The following DROSHA variants were observed in gnomAD, a reference collection of about 807,000 sequenced individuals.
DROSHA encodes drosha ribonuclease III.
In DROSHA, 56 loss-of-function variants were observed where a neutral mutation model predicts 181.9. That is an observed-to-expected ratio of 0.31 (90% confidence interval 0.25 to 0.38). The LOEUF (loss-of-function observed/expected upper bound fraction) is 0.38, where lower values mean the gene tolerates loss of function less well. DROSHA is among the 10% of genes least tolerant of loss of function. The pLI, the probability that DROSHA is intolerant of heterozygous loss-of-function variation, is 1.00. For missense variants in DROSHA, 1,218 were observed against 1,743.5 expected, an observed-to-expected ratio of 0.70 and a Z score of 5.37; for synonymous variants, 524 against 591.2, an observed-to-expected ratio of 0.89 and a Z score of 1.65.
At chr5:31,477,293 TAA>T (rs1437471663) in intron 16 of DROSHA, among the ~76,000 whole-genome samples, 1 of 152,194 alleles carries the variant, frequency 6.6e-6, no homozygotes, top group East Asian at 1.9e-4. Context: ...TGGCTGCTTA[TAA>T]GAGTATTTCT....
At position 31,526,892 on chromosome 5, in the gene DROSHA, G is replaced by A. The variant is rs200373457; in HGVS notation, c.41C>T (p.Pro14Leu). 1.8e-5 allele frequency: 29 copies of A among 1,612,678 alleles called. No homozygotes were observed. The highest frequency in any genetic ancestry group is 8.8e-5 in the South Asian group (8 of 91,022). ...TCGTCCTCGGGGACACCCTCGTCCC[G>A]GGTGGAACGACATTCTGTGACTTCA... is the stretch of plus-strand genomic sequence containing the variant. Reference protein sequence around the residue: ...GNTCHRMSFHPGRGCPRGRGG... With the variant: ...GNTCHRMSFHLGRGCPRGRGG... The change falls in exon 5 of 36, where the codon CCG becomes CTG. Residue 14 changes from proline (P) to leucine (L), a missense_variant. Pro to Leu is a moderately conservative substitution (Grantham distance 98). This residue lies in a region of DROSHA where 536 missense variants were observed against 535.4 expected (regional missense o/e 1.00). Coordinates refer to ENST00000344624, the MANE Select transcript of DROSHA (RefSeq NM_001382508.1).
chr5:31,426,217 G>A (rs1035731702), intron 27 of DROSHA, among the ~76,000 whole-genome samples: 4 of 151,930 alleles, frequency 2.6e-5, no homozygotes, highest in African/African-American at 9.7e-5. Context: ...CCGAGATAGG[G>A]TTCTGCTGCA....
chr5:31,465,076 C>T (rs573929718), intron 19 of DROSHA, among the ~76,000 whole-genome samples: 32 of 151,974 alleles, frequency 2.1e-4, no homozygotes, highest in South Asian at 2.1e-4. Flanking sequence ...AGTGCACCAA[C>T]GGAGGAACAC....
intron 8 of DROSHA, among the ~76,000 whole-genome samples, chr5:31,513,495 C>T (rs1046890869): frequency 3.9e-5 from 6 of 152,198 alleles, no homozygotes; most frequent in African/African-American, 1.4e-4. Flanking sequence ...CATGGAATAA[C>T]ATTCAGGCAC....
intron 20 of DROSHA, among the ~76,000 whole-genome samples, chr5:31,454,401 G>A (rs894308032): frequency 2.6e-5 from 4 of 152,198 alleles, no homozygotes; most frequent in African/African-American, 9.7e-5. Context: ...CAAAAGCAGA[G>A]GGGGCAGATT....
At chr5:31,434,213 G>A (rs182413602) in intron 25 of DROSHA, among the ~76,000 whole-genome samples, 169 of 152,254 alleles carry the variant, frequency 1.1e-3, no homozygotes, top group South Asian at 4.1e-3. Flanking sequence ...TTCATGCTAC[G>A]GCAATTCCCC....
chr5:31,464,807 T>C (rs1748821369), intron 19 of DROSHA, among the ~76,000 whole-genome samples: 1 of 151,986 alleles, frequency 6.6e-6, no homozygotes. Flanking sequence ...ATACTTTATA[T>C]AAAAAAAGAC....
intron 13 of DROSHA, among the ~76,000 whole-genome samples, chr5:31,492,092 C>T (rs1752492241): frequency 6.6e-6 from 1 of 152,214 alleles, no homozygotes; most frequent in South Asian, 2.1e-4. Context: ...CCGCACCCAG[C>T]CCATATTATT....
intron 30 of DROSHA, among the ~76,000 whole-genome samples, chr5:31,417,656 A>G (rs552557635): frequency 6.6e-6 from 1 of 152,324 alleles, no homozygotes; most frequent in Admixed American, 6.5e-5. Context: ...CATGAGACAG[A>G]ATGAGATCAC....
intron 30 of DROSHA, among the ~76,000 whole-genome samples, chr5:31,413,159 A>G (rs1453765853): frequency 1.3e-5 from 2 of 152,172 alleles, no homozygotes; most frequent in Non-Finnish European, 2.9e-5. Flanking sequence ...TCTGACGGTG[A>G]AGGAGGAAAG....
chr5:31,476,059 A>G (rs1750328850), intron 16 of DROSHA, among the ~76,000 whole-genome samples: 1 of 152,236 alleles, frequency 6.6e-6, no homozygotes, highest in South Asian at 2.1e-4. Context: ...GAAAGGCACA[A>G]CTAGATTAAG....
At position 31,410,733 on chromosome 5, in the gene DROSHA, G is replaced by C. The variant is rs369369778; in HGVS notation, c.3667+13C>G. On this transcript the variant is annotated intron_variant, in intron 31 of 35. Coordinates refer to ENST00000344624, the MANE Select transcript of DROSHA (RefSeq NM_001382508.1). ...TGAACCTGGAGGTTGAGAGAAAAGT[G>C]TGTGGCACTCACATTCCAAAAGGTC... 2.4e-5 allele frequency: 38 copies of C among 1,611,810 alleles called. No homozygotes were observed. Among genetic ancestry groups the C allele is most frequent in the Non-Finnish European group, 3.1e-5 (36 of 1,178,888 alleles).
chr5:31,434,674 G>A (rs1744577245), intron 25 of DROSHA, among the ~76,000 whole-genome samples: 1 of 152,184 alleles, frequency 6.6e-6, no homozygotes, highest in African/African-American at 2.4e-5. Context: ...CAGTCATAAA[G>A]CTAGGATGGG....
At chr5:31,529,940 A>G (rs1696307149) in intron 3 of DROSHA, among the ~76,000 whole-genome samples, 1 of 152,154 alleles carries the variant, frequency 6.6e-6, no homozygotes, top group Non-Finnish European at 1.5e-5. Flanking sequence ...TCAGCAAAAC[A>G]TTTTTTAAAA....
intron 35 of DROSHA, among the ~76,000 whole-genome samples, chr5:31,405,370 C>G (rs897664336): frequency 6.2e-5 from 9 of 144,682 alleles, no homozygotes; most frequent in Non-Finnish European, 1.3e-4. Context: ...AGCGAAACTC[C>G]ATCTCAAAAA....
At chr5:31,419,072 A>G (rs769484098) in intron 30 of DROSHA, among the ~76,000 whole-genome samples, 19 of 152,160 alleles carry the variant, frequency 1.2e-4, no homozygotes, top group Non-Finnish European at 2.8e-4. Context: ...TAGCTGTGAG[A>G]CTAAGATGTG....
chr5:31,441,571 A>G (rs1022781501), intron 23 of DROSHA, among the ~76,000 whole-genome samples: 2 of 152,196 alleles, frequency 1.3e-5, no homozygotes, highest in Non-Finnish European at 2.9e-5. Context: ...AAATTTTCAA[A>G]ACTTTTCAAT....
At chr5:31,424,704 G>A (rs1743267416) in intron 27 of DROSHA, among the ~76,000 whole-genome samples, 1 of 152,102 alleles carries the variant, frequency 6.6e-6, no homozygotes, top group South Asian at 2.1e-4. Context: ...GCCTCCTCTA[G>A]TCCCAGAAGT....
chr5:31,491,185 T>TAAAAAA (rs11301107), intron 13 of DROSHA, among the ~76,000 whole-genome samples: 6 of 140,332 alleles, frequency 4.3e-5, no homozygotes, highest in South Asian at 4.6e-4. Flanking sequence ...TGTCCAAGGT[T>TAAAAAA]AAAAAAAAAA....
Sources: gnomAD v4.1 joint callset for allele counts (sites outside exome capture counted in the v4.1 genomes callset) on GRCh38, gnomAD v4.1.1 for gene constraint, gnomAD v4.1.1 regional missense constraint, MANE v1.5 for transcripts, NCBI Gene and HGNC (gene_info 2026-07-23, HGNC 2026-07-21) for gene names.